CHD6: variants seen among roughly 807,000 people sequenced by gnomAD.
The protein encoded by CHD6 is chromodomain helicase DNA binding protein 6, also known as ATP-dependent chromatin remodeler CHD6.
CHD6 carries 50 observed loss-of-function variants against 276.9 expected under a neutral mutation model. That is an observed-to-expected ratio of 0.18 (90% CI 0.14 to 0.23). The LOEUF (loss-of-function observed/expected upper bound fraction) is 0.23. CHD6 is among the 10% of genes least tolerant of loss of function. The probability of loss-of-function intolerance (pLI) is 1.00; values close to 1 mark genes in which losing one functional copy is unlikely to be tolerated. For missense variants in CHD6, 2,564 were observed against 3,365.8 expected, an observed-to-expected ratio of 0.76 and a Z score of 5.89; for synonymous variants, 1,173 against 1,229.3, an observed-to-expected ratio of 0.95 and a Z score of 0.96.
chr20:41,462,819 TTC>T (rs2042833526), intron 17 of CHD6, among the ~76,000 whole-genome samples: 1 of 152,224 alleles, frequency 6.6e-6, no homozygotes. Flanking sequence ...TAGTCTCTCT[TTC>T]TGTGTGTATT....
intron 1 of CHD6, among the ~76,000 whole-genome samples, chr20:41,604,670 A>T (rs1176443391): frequency 1.3e-5 from 2 of 152,162 alleles, no homozygotes; most frequent in Non-Finnish European, 2.9e-5. Context: ...TCTGCACTGG[A>T]TGTGAGGTTC....
intron 1 of CHD6, among the ~76,000 whole-genome samples, chr20:41,605,973 A>G (rs1424312343): frequency 6.6e-6 from 1 of 152,226 alleles, no homozygotes; most frequent in African/African-American, 2.4e-5. Context: ...TGGGCCATGC[A>G]CCCATGAGGA....
intron 1 of CHD6, among the ~76,000 whole-genome samples, chr20:41,612,474 A>G (rs2045896332): frequency 6.6e-6 from 1 of 152,238 alleles, no homozygotes; most frequent in Admixed American, 6.5e-5. Flanking sequence ...ATCACTTACA[A>G]TGTGATCTGA....
intron 3 of CHD6, among the ~76,000 whole-genome samples, chr20:41,519,520 T>C (rs1008361717): frequency 2.0e-4 from 31 of 152,144 alleles, no homozygotes; most frequent in Admixed American, 2.0e-4. Flanking sequence ...ATATATACAA[T>C]GTAATACTAG....
intron 2 of CHD6, chr20:41,547,776 C>A: frequency 1.9e-6 from 1 of 528,948 alleles, no homozygotes; most frequent in Non-Finnish European, 3.7e-6. Context: ...GATGCAGCAC[C>A]AATCTTTAGC....
In CHD6 at chr20:41,452,844, G is replaced by A. The variant is rs375979334; in HGVS notation, c.3219C>T (p.Ser1073=). 36 of 1,613,240 alleles carry A rather than the reference G, an allele frequency of 2.2e-5. No individual in the cohort carries two copies. The highest frequency in any genetic ancestry group is 2.7e-5 in the African/African-American group (2 of 74,756). The change falls in exon 21 of 37, where the codon AGC becomes AGT. Residue 1073 remains serine (S), a synonymous_variant. Coordinates refer to ENST00000373233, the MANE Select transcript of CHD6 (RefSeq NM_032221.5). The surrounding 1 kb of genome is among the most constrained non-coding windows in gnomAD (Gnocchi z 4.2). The stretch of plus-strand genomic sequence containing the variant: ...ATCTCGTGGGCCTTTCGTCTGAGTC[G>A]CTGTCTAACTCTGAAAACTCCATGA... The part of the protein sequence containing the change: ...DELMEFSELD[S]DSDERPTRSR...
intron 7 of CHD6, chr20:41,497,738 G>A: frequency 1.9e-6 from 1 of 534,828 alleles, no homozygotes; most frequent in Admixed American, 3.1e-5. Context: ...AACTGGCTGA[G>A]AACAGAGGCA....
rs2043341096 is a variant in CHD6 at position 41,483,462 on chromosome 20, T to G, written c.2315A>C (p.Asp772Ala). 6.2e-7 allele frequency: 1 copy of G among 1,613,518 alleles called. No individual in the cohort carries two copies. The highest frequency in any genetic ancestry group is 1.3e-5 in the African/African-American group (1 of 74,870). The change falls in exon 16 of 37, where the codon GAC (aspartate) becomes GCC (alanine). Residue 772 changes from aspartate to alanine, a missense_variant. Coordinates refer to ENST00000373233, the MANE Select transcript of CHD6 (RefSeq NM_032221.5). ...CTGAATCATGGCCTGCAGCTGAAAG[T>G]CAGGGGCATCAGGGCTGTGGGTTTT... ...FRKTHSPDAP[D>A]FQLQAMIQAA...
chr20:41,523,584 CAAG>C lies in CHD6; in HGVS notation c.555-8635_555-8633del, dbSNP rs546936191. 8.0e-4 allele frequency among the ~76,000 whole-genome samples: 122 copies of C among 151,958 alleles called. 1 individual carries two copies. Among genetic ancestry groups the C allele is most frequent in the African/African-American group, 2.7e-3 (112 of 41,460 alleles). ...CTGTCTTCCACATGGCTTCATCAGCCAAGAAGATTTTGTGCATCTTTACTTTCT... is the reference window on the plus strand; with the variant it reads ...CTGTCTTCCACATGGCTTCATCAGCCAAGATTTTGTGCATCTTTACTTTCT... On this transcript the variant is annotated intron_variant, in intron 3 of 36. Transcript: ENST00000373233.
chr20:41,548,366 A>T (rs1459745250), intron 2 of CHD6, among the ~76,000 whole-genome samples: 1 of 152,214 alleles, frequency 6.6e-6, no homozygotes, highest in African/African-American at 2.4e-5. Flanking sequence ...GCTGGCTAAC[A>T]TACCAAAGGT....
At chr20:41,446,962 TCTG>T (rs1444926532) in intron 24 of CHD6, among the ~76,000 whole-genome samples, 2 of 152,136 alleles carry the variant, frequency 1.3e-5, no homozygotes, top group Non-Finnish European at 2.9e-5. Context: ...CAGGTGGAAT[TCTG>T]CTGCATTTAT....
intron 4 of CHD6, among the ~76,000 whole-genome samples, chr20:41,514,279 T>C (rs985606122): frequency 1.3e-5 from 2 of 151,806 alleles, no homozygotes; most frequent in Non-Finnish European, 2.9e-5. Flanking sequence ...TCAAGAGAGG[T>C]TCTCAACTCA....
At chr20:41,532,199 C>G (rs2044702844) in intron 3 of CHD6, among the ~76,000 whole-genome samples, 1 of 152,194 alleles carries the variant, frequency 6.6e-6, no homozygotes, top group South Asian at 2.1e-4. Context: ...CCTATGCACT[C>G]TGGTCTCTCT....
chr20:41,615,810 G>A (rs978937173), intron 1 of CHD6, among the ~76,000 whole-genome samples: 2 of 152,228 alleles, frequency 1.3e-5, no homozygotes, highest in African/African-American at 2.4e-5. Flanking sequence ...CAAGCCTGAT[G>A]TTGTGGAACC....
At chr20:41,505,102 C>CT (rs1396379113) in intron 5 of CHD6, among the ~76,000 whole-genome samples, 1 of 152,066 alleles carries the variant, frequency 6.6e-6, no homozygotes, top group African/African-American at 2.4e-5. Context: ...ATTGGCAGGT[C>CT]TTTTTTCTCT....
chr20:41,509,926 T>C (rs1327556967), intron 5 of CHD6, among the ~76,000 whole-genome samples: 1 of 152,168 alleles, frequency 6.6e-6, no homozygotes, highest in Non-Finnish European at 1.5e-5. Context: ...TGTGTAAAGA[T>C]GTTTTCGCAA....
In CHD6 at chr20:41,548,480, T is replaced by C. The variant is rs186806545; in HGVS notation, c.33+2825A>G. Among the ~76,000 whole-genome samples the C allele has an allele frequency of 4.6e-5, 7 of 152,308 alleles. No homozygotes were observed. In the East Asian group the frequency reaches 1.2e-3, roughly 25 times the overall value. On this transcript the variant is annotated intron_variant, in intron 2 of 36. Coordinates refer to ENST00000373233, the MANE Select transcript of CHD6 (RefSeq NM_032221.5). ...TAAATGCTTATCTCCTTACACCTTATACAAAAATTAATTCAAGATGGATTA... is the reference window on the plus strand; with the variant it reads ...TAAATGCTTATCTCCTTACACCTTACACAAAAATTAATTCAAGATGGATTA...
Position 41,513,001 on chromosome 20 carries a change from G to A in CHD6, c.703-6C>T. ...TGCCTTCCCGAGCGTCGTTTCTGTA[G>A]GGCAAACACACCCGTCAGAGAAGCT... On this transcript the variant is annotated splice_polypyrimidine_tract_variant and splice_region_variant and intron_variant, in intron 4 of 36. Transcript: ENST00000373233. The A allele has an allele frequency of 6.2e-7, 1 of 1,613,882 alleles. No individual in the cohort carries two copies. The highest frequency in any genetic ancestry group is 8.5e-7 in the Non-Finnish European group (1 of 1,179,894).
intron 27 of CHD6, among the ~76,000 whole-genome samples, chr20:41,429,165 C>T (rs1007496680): frequency 2.0e-5 from 3 of 152,176 alleles, no homozygotes; most frequent in African/African-American, 7.2e-5. Context: ...AGCATAACTA[C>T]AATGATGAAA....
Sources: gnomAD v4.1 joint callset for allele counts (sites outside exome capture counted in the v4.1 genomes callset) on GRCh38, gnomAD v4.1.1 for gene constraint, Gnocchi (gnomAD v3.1) non-coding constraint, MANE v1.5 for transcripts, NCBI Gene and HGNC (gene_info 2026-07-23, HGNC 2026-07-21) for gene names.